The following PTPRK variants were observed in gnomAD, a reference collection of about 807,000 sequenced individuals.
PTPRK encodes protein tyrosine phosphatase receptor type K, also known as receptor-type tyrosine-protein phosphatase kappa.
A neutral mutation model predicts 178.0 loss-of-function variants in PTPRK; 75 were observed. The observed-to-expected ratio is 0.42, with a 90% CI of 0.35 to 0.51. The LOEUF is 0.51. Among genes scored for constraint, PTPRK ranks in the 20% least tolerant of loss-of-function variants. The probability of loss-of-function intolerance (pLI) is 0.02; values close to 1 mark genes in which losing one functional copy is unlikely to be tolerated. For missense variants in PTPRK, 1,441 were observed against 1,797.8 expected (o/e 0.80, Z 3.59); for synonymous variants, 637 against 620.6 (o/e 1.03, Z -0.39).
intron 7 of PTPRK, among the ~76,000 whole-genome samples, chr6:128,148,747 C>CT (rs1740725691): frequency 6.6e-6 from 1 of 151,982 alleles, no homozygotes; most frequent in East Asian, 1.9e-4. Flanking sequence ...CCTTTGCAAA[C>CT]TTTTAAAACA....
At chr6:128,370,692 G>T (rs1836151474) in intron 2 of PTPRK, among the ~76,000 whole-genome samples, 1 of 151,994 alleles carries the variant, frequency 6.6e-6, no homozygotes, top group African/African-American at 2.4e-5. Flanking sequence ...ATCATCATTT[G>T]TAAATATGTT....
intron 1 of PTPRK, among the ~76,000 whole-genome samples, chr6:128,437,153 A>C (rs565425291): frequency 6.6e-6 from 1 of 152,270 alleles, no homozygotes; most frequent in East Asian, 1.9e-4. Flanking sequence ...CTAAGTTAAT[A>C]GTGTTAACTA....
At chr6:128,470,730 G>A (rs1268083968) in intron 1 of PTPRK, among the ~76,000 whole-genome samples, 7 of 136,692 alleles carry the variant, frequency 5.1e-5, no homozygotes, top group Non-Finnish European at 1.1e-4. Flanking sequence ...TTATCTAGAA[G>A]AAGAAACAAT....
At chr6:128,018,552 C>G (rs184862088) in intron 13 of PTPRK, among the ~76,000 whole-genome samples, 107 of 151,446 alleles carry the variant, frequency 7.1e-4, no homozygotes, top group African/African-American at 2.5e-3. Context: ...TCCAGCTTTG[C>G]CACAAGTTGA....
At chr6:128,307,152 G>GAAAAA (rs199552590) in intron 3 of PTPRK, among the ~76,000 whole-genome samples, 36 of 117,706 alleles carry the variant, frequency 3.1e-4, no homozygotes, top group African/African-American at 1.0e-3. Flanking sequence ...GAGCTCAGAA[G>GAAAAA]AAAAAAAAAT....
chr6:127,994,211 T>G (rs1171034532), intron 18 of PTPRK, among the ~76,000 whole-genome samples: 1 of 151,730 alleles, frequency 6.6e-6, no homozygotes, highest in Non-Finnish European at 1.5e-5. Flanking sequence ...ACCTAATAAA[T>G]GTAATGAAAA....
At chr6:128,384,360 A>G (rs1193555545) in intron 2 of PTPRK, among the ~76,000 whole-genome samples, 2 of 150,276 alleles carry the variant, frequency 1.3e-5, no homozygotes, top group African/African-American at 4.8e-5. Flanking sequence ...ATCTCGCAAT[A>G]CAAAGATTTT....
chr6:127,995,921 TA>T (rs1401650720), intron 17 of PTPRK, among the ~76,000 whole-genome samples: 4 of 152,110 alleles, frequency 2.6e-5, no homozygotes, highest in African/African-American at 4.8e-5. Flanking sequence ...GCCACAGAAT[TA>T]AAAAGTGAAT....
At chr6:128,141,822 T>G (rs538491537) in intron 7 of PTPRK, among the ~76,000 whole-genome samples, 17 of 152,072 alleles carry the variant, frequency 1.1e-4, no homozygotes, top group South Asian at 4.1e-4. Context: ...AATTTAGCAA[T>G]GTGTTCAATC....
intron 7 of PTPRK, among the ~76,000 whole-genome samples, chr6:128,139,697 A>G (rs1037193987): frequency 6.6e-6 from 1 of 151,992 alleles, no homozygotes; most frequent in Non-Finnish European, 1.5e-5. Context: ...CTTCATTGCC[A>G]GTTTCTGATG....
intron 1 of PTPRK, among the ~76,000 whole-genome samples, chr6:128,444,364 TTC>T (rs771246538): frequency 2.0e-5 from 3 of 152,272 alleles, no homozygotes; most frequent in South Asian, 2.1e-4. Flanking sequence ...TTAGCAAGAA[TTC>T]TGTTAGGTCT....
At chr6:128,158,755 A>G (rs1798290297) in intron 7 of PTPRK, among the ~76,000 whole-genome samples, 1 of 151,952 alleles carries the variant, frequency 6.6e-6, no homozygotes, top group African/African-American at 2.4e-5. Context: ...ATATCTGCAC[A>G]GTGGCCACTT....
intron 2 of PTPRK, among the ~76,000 whole-genome samples, chr6:128,390,642 G>A (rs914568057): frequency 6.6e-6 from 1 of 152,134 alleles, no homozygotes. Flanking sequence ...TGGAACAAGA[G>A]TAACTTTTAT....
At position 127,990,846 on chromosome 6, in the gene PTPRK, A is replaced by G; in HGVS notation, c.3019T>C (p.Tyr1007His). ...YKYWPDDTEV[Y>H]GDFKVTCVEM... is the part of the protein sequence containing the mutation. ...ACACACGTTACTTTGAAGTCACCAT[A>G]AACTTCAGTATCATCAGGCCAATAT... Residue 1007 changes from tyrosine to histidine, a missense_variant, in exon 21 of 30, where the codon TAT (tyrosine) becomes CAT (histidine). By Grantham distance (83) the Tyr-to-His change is moderately conservative. Coordinates refer to ENST00000368226, the MANE Select transcript of PTPRK (RefSeq NM_002844.4). 1 of 1,611,448 alleles carries G rather than the reference A, an allele frequency of 6.2e-7. No individual in the cohort carries two copies. The highest frequency in any genetic ancestry group is 8.5e-7 in the Non-Finnish European group (1 of 1,177,910).
intron 13 of PTPRK, among the ~76,000 whole-genome samples, chr6:128,018,713 G>A (rs778773361): frequency 6.6e-6 from 1 of 151,956 alleles, no homozygotes; most frequent in Non-Finnish European, 1.5e-5. Context: ...GTAAGTATTA[G>A]GGAATGTATA....
chr6:127,994,171 A>T (rs1158678418), intron 18 of PTPRK, among the ~76,000 whole-genome samples: 2 of 151,812 alleles, frequency 1.3e-5, no homozygotes, highest in Non-Finnish European at 3.0e-5. Context: ...AACTAAATAC[A>T]TAATGACAAT....
chr6:128,083,236 G>C (rs1246296205), intron 9 of PTPRK, among the ~76,000 whole-genome samples: 1 of 151,940 alleles, frequency 6.6e-6, no homozygotes, highest in Non-Finnish European at 1.5e-5. Context: ...TATTTGAAAA[G>C]ATAATGTTTT....
At chr6:128,290,972 A>T (rs932774456) in intron 3 of PTPRK, among the ~76,000 whole-genome samples, 3 of 152,088 alleles carry the variant, frequency 2.0e-5, no homozygotes, top group African/African-American at 7.2e-5. Context: ...ATTAAAAGAT[A>T]ATGTAGTAGA....
chr6:128,128,349 C>T (rs1793701212), intron 7 of PTPRK, among the ~76,000 whole-genome samples: 1 of 152,162 alleles, frequency 6.6e-6, no homozygotes, highest in South Asian at 2.1e-4. Context: ...CCCAGCCTCA[C>T]TGCTTATACA....
Sources: allele counts gnomAD v4.1 joint callset (sites outside exome capture counted in the v4.1 genomes callset), GRCh38; gene constraint gnomAD v4.1.1; transcripts MANE v1.5; gene names NCBI Gene and HGNC (gene_info 2026-07-23, HGNC 2026-07-21).